The following PRKAR1A variants were observed in gnomAD, a reference collection of about 807,000 sequenced individuals.
The protein encoded by PRKAR1A is protein kinase cAMP-dependent type I regulatory subunit alpha, also known as cAMP-dependent protein kinase type I-alpha regulatory subunit.
In PRKAR1A, 3 loss-of-function variants were observed where a neutral mutation model predicts 52.0. The ratio of observed to expected loss-of-function variants is 0.06; its 90% confidence interval spans 0.03 to 0.15. The LOEUF is 0.15. Among genes scored for constraint, PRKAR1A ranks in the 10% least tolerant of loss-of-function variants. The pLI, the probability that PRKAR1A is intolerant of heterozygous loss-of-function variation, is 1.00. For synonymous variants in PRKAR1A, 188 were observed against 168.4 expected, an observed-to-expected ratio of 1.12 and a Z score of -0.90; for missense variants, 240 against 477.4, an observed-to-expected ratio of 0.50 and a Z score of 4.63.
the PRKAR1A span, among the ~76,000 whole-genome samples, chr17:68,504,764 A>T: frequency 6.6e-6 from 1 of 152,186 alleles, no homozygotes; most frequent in Non-Finnish European, 1.5e-5. Context: ...GATGAATAAG[A>T]CATAGTATTT....
At position 68,529,319 on chromosome 17, in the gene PRKAR1A, G is replaced by C. The variant is rs569859268; in HGVS notation, c.891+328G>C. On this transcript the variant is annotated intron_variant, in intron 9 of 10. Transcript: ENST00000589228. ...TATTCTTGTTAAAATGCAAGTGTTT[G>C]GGCTATTTGGCAAATAAGGATTAAA... 6.6e-5 allele frequency among the ~76,000 whole-genome samples: 10 copies of C among 152,192 alleles called. No individual in the cohort carries two copies. The South Asian group carries it at 2.1e-3, about 32-fold the overall frequency.
At chr17:68,468,076 AT>A in the PRKAR1A span, among the ~76,000 whole-genome samples, 4 of 151,694 alleles carry the variant, frequency 2.6e-5, no homozygotes, top group Middle Eastern at 3.4e-3. Flanking sequence ...ATAGATATAC[AT>A]TTTTTTTAGA....
downstream of PRKAR1A, among the ~76,000 whole-genome samples, chr17:68,533,973 C>T (rs2086042495): frequency 6.6e-6 from 1 of 152,308 alleles, no homozygotes; most frequent in Non-Finnish European, 1.5e-5. Context: ...AGTTTGCCCA[C>T]CTTAGCCTCC....
At chr17:68,511,638 T>G (rs1032547095), upstream of PRKAR1A, 1 of 142,908 alleles carries the variant, frequency 7.0e-6, no homozygotes, top group Admixed American at 7.1e-5. Flanking sequence ...GGGACGGTGT[T>G]GCCTGCACAG....
chr17:68,515,513 G>A lies in PRKAR1A; in HGVS notation c.114G>A (p.Leu38=). Residue 38 remains leucine (L), a synonymous_variant, in exon 2 of 11, where the codon TTG becomes TTA. Transcript: ENST00000589228. ...QALLKDSIVQ[L]CTARPERPMA... ...TGCTCAAAGATTCTATTGTGCAGTTGTGCACTGCTCGACCTGAGAGACCCA... is the reference window on the plus strand; with the variant it reads ...TGCTCAAAGATTCTATTGTGCAGTTATGCACTGCTCGACCTGAGAGACCCA... 6 of 1,613,212 alleles carry A rather than the reference G, an allele frequency of 3.7e-6. No individual in the cohort carries two copies. Among genetic ancestry groups the A allele is most frequent in the Non-Finnish European group, 5.1e-6 (6 of 1,180,034 alleles).
At chr17:68,451,577 T>C in the PRKAR1A span, among the ~76,000 whole-genome samples, 1 of 152,224 alleles carries the variant, frequency 6.6e-6, no homozygotes, top group Non-Finnish European at 1.5e-5. Flanking sequence ...TTTGGAATAT[T>C]TGAACAATTT....
the PRKAR1A span, among the ~76,000 whole-genome samples, chr17:68,446,013 A>G: frequency 6.6e-6 from 1 of 152,190 alleles, no homozygotes; most frequent in Admixed American, 6.5e-5. Context: ...CTTTTATTCC[A>G]GGGAACATCA....
At chr17:68,524,981 A>C in intron 6 of PRKAR1A, 23 bp downstream of exon 6, 1 of 1,582,282 alleles carries the variant, frequency 6.3e-7, no homozygotes, top group Non-Finnish European at 8.7e-7. Flanking sequence ...AATATCAAAA[A>C]TATGTTGATC....
chr17:68,436,629 C>A, the PRKAR1A span: 2,192 of 669,716 alleles, frequency 3.3e-3, 8 homozygotes, highest in Admixed American at 9.0e-3. Context: ...GCTGATGATT[C>A]TTCTGATTAA....
At chr17:68,490,144 C>T in the PRKAR1A span, among the ~76,000 whole-genome samples, 67,559 of 152,084 alleles carry the variant, frequency 0.44, 15,823 homozygotes, top group East Asian at 0.65. Context: ...GGAAGCCAGC[C>T]GGCCTGAGCA....
chr17:68,430,981 T>C, the PRKAR1A span, among the ~76,000 whole-genome samples: 5 of 152,174 alleles, frequency 3.3e-5, no homozygotes, highest in African/African-American at 1.2e-4. Flanking sequence ...GACAAACCTC[T>C]CTGGGCCTTC....
At chr17:68,496,817 AC>A in the PRKAR1A span, among the ~76,000 whole-genome samples, 33 of 75,526 alleles carry the variant, frequency 4.4e-4, no homozygotes, top group Admixed American at 1.0e-3. Context: ...CTTAGTTTTT[AC>A]TTTTTTTTTT....
chr17:68,527,942 C>A (rs755528405), intron 8 of PRKAR1A, 42 bp downstream of exon 8: 89 of 1,503,822 alleles, frequency 5.9e-5, no homozygotes, highest in Non-Finnish European at 8.0e-5. Flanking sequence ...ATGTGAGATA[C>A]CCCTGAATTA....
the PRKAR1A span, among the ~76,000 whole-genome samples, chr17:68,479,064 T>G: frequency 1.3e-5 from 2 of 152,218 alleles, no homozygotes; most frequent in African/African-American, 4.8e-5. Context: ...GTAGATTTAC[T>G]GTAGGGAAAA....
chr17:68,482,808 A>T, the PRKAR1A span, among the ~76,000 whole-genome samples: 1 of 152,226 alleles, frequency 6.6e-6, no homozygotes, highest in Non-Finnish European at 1.5e-5. Context: ...CAGCATATAA[A>T]CTATTTGCTC....
rs1331123347 is a variant in PRKAR1A, at chr17:68,532,604, A to C, written c.*2155A>C. ...ATTCCTGGGCTTGGTAAGTGAATTT[A>C]TGAGATTTACTGCTCTAGAAAGTAT... On this transcript the variant is annotated 3_prime_UTR_variant, in exon 11 of 11. Transcript: ENST00000589228. 1.9e-6 allele frequency: 2 copies of C among 1,066,100 alleles called. No individual in the cohort carries two copies. Among genetic ancestry groups the C allele is most frequent in the African/African-American group, 3.3e-5 (2 of 61,126 alleles). 66.0% of individuals were successfully genotyped at this position (1,066,100 alleles called of 1,614,324 possible).
In PRKAR1A at chr17:68,522,808, C is replaced by T; in HGVS notation, c.230C>T (p.Ser77Leu). ...CAGAAAGCAGGCACTCGTACAGACTCAAGGGAGGATGAGATTTCTCCTCCT... is the reference window on the plus strand; with the variant it reads ...CAGAAAGCAGGCACTCGTACAGACTTAAGGGAGGATGAGATTTCTCCTCCT... ...NLQKAGTRTD[S>L]REDEISPPPP... Residue 77 changes from serine (S) to leucine (L), a missense_variant, in exon 3 of 11, where the codon TCA becomes TTA. Transcript: ENST00000589228. The T allele has an allele frequency of 6.2e-7, 1 of 1,614,104 alleles. No individual in the cohort carries two copies. The highest frequency in any genetic ancestry group is 8.5e-7 in the Non-Finnish European group (1 of 1,179,982).
the PRKAR1A span, chr17:68,444,401 T>C: frequency 1.2e-5 from 14 of 1,181,722 alleles, no homozygotes; most frequent in Non-Finnish European, 1.7e-5. Flanking sequence ...CAAACACTGC[T>C]TCACGTTCGC....
chr17:68,539,864 A>G, intron 11 of PRKAR1A: 3 of 1,612,310 alleles, frequency 1.9e-6, no homozygotes, highest in Non-Finnish European at 2.5e-6. Context: ...GGGATTGTTG[A>G]ACACACGTGG....
Sources: allele counts gnomAD v4.1 joint callset (sites outside exome capture counted in the v4.1 genomes callset), GRCh38; gene constraint gnomAD v4.1.1; transcripts MANE v1.5; gene names NCBI Gene and HGNC (gene_info 2026-07-23, HGNC 2026-07-21).